GLP2R: variants seen among roughly 807,000 people sequenced by gnomAD.
The protein encoded by GLP2R is glucagon like peptide 2 receptor.
A neutral mutation model predicts 68.2 loss-of-function variants in GLP2R; 59 were observed. That is an observed-to-expected ratio of 0.87 (90% CI 0.70 to 1.07). The LOEUF is 1.07. Ranked by LOEUF, GLP2R falls within the 50% of genes least tolerant of loss-of-function variation. The pLI is 0.00. For missense variants in GLP2R, 548 were observed against 677.4 expected (o/e 0.81, Z 2.12); for synonymous variants, 270 against 265.4 (o/e 1.02, Z -0.17).
chr17:9,831,772 G>T (rs1490075370), intron 1 of GLP2R, among the ~76,000 whole-genome samples: 4 of 152,192 alleles, frequency 2.6e-5, no homozygotes, highest in Non-Finnish European at 5.9e-5. Context: ...CAGTGTGGAG[G>T]GTGGATGGTG....
intron 1 of GLP2R, among the ~76,000 whole-genome samples, chr17:9,833,409 T>C (rs1157359954): frequency 6.6e-6 from 1 of 152,234 alleles, no homozygotes; most frequent in Non-Finnish European, 1.5e-5. Flanking sequence ...CAATGCAGGC[T>C]TCTGCAATCC....
intron 3 of GLP2R, among the ~76,000 whole-genome samples, chr17:9,837,683 C>T (rs998127621): frequency 1.3e-5 from 2 of 152,170 alleles, no homozygotes; most frequent in Non-Finnish European, 2.9e-5. Context: ...TATCCCATCC[C>T]TACCAGCCCC....
rs760783061 is a variant in GLP2R at position 9,832,923 on chromosome 17, C to CAGACACTT, written c.190-883_190-876dup. 1.5e-3 allele frequency among the ~76,000 whole-genome samples: 229 copies of CAGACACTT among 152,228 alleles called. 1 individual carries two copies. The Middle Eastern group carries it at 0.031, about 20-fold the overall frequency. On this transcript the variant is annotated intron_variant, in intron 1 of 12. Coordinates refer to ENST00000262441, the MANE Select transcript of GLP2R (RefSeq NM_004246.3). ...TCCTCAGTAGCTTGATGAAGTCTCT[C>CAGACACTT]AGACACTTCTCTTTGTACTGAACCC...
chr17:9,849,797 T>C (rs2066875640), intron 4 of GLP2R, among the ~76,000 whole-genome samples: 1 of 151,980 alleles, frequency 6.6e-6, no homozygotes, highest in Non-Finnish European at 1.5e-5. Context: ...GTATTTTTAG[T>C]AGAGACAGTG....
At chr17:9,887,701 T>C (rs2067255765) in intron 11 of GLP2R, among the ~76,000 whole-genome samples, 1 of 152,208 alleles carries the variant, frequency 6.6e-6, no homozygotes, top group Non-Finnish European at 1.5e-5. Flanking sequence ...CCTAGGCTGA[T>C]ATAGGCGGAG....
chr17:9,888,069 G>T, intron 12 of GLP2R, 96 bp downstream of exon 12: 1 of 871,656 alleles, frequency 1.1e-6, no homozygotes, highest in South Asian at 1.3e-5. Context: ...GATGCTACGG[G>T]AGAATGTGCA....
At chr17:9,839,105 A>G (rs761017151) in intron 3 of GLP2R, among the ~76,000 whole-genome samples, 3 of 152,200 alleles carry the variant, frequency 2.0e-5, no homozygotes, top group Non-Finnish European at 4.4e-5. Flanking sequence ...GAGTCCCAGA[A>G]GGTGTTAAGG....
chr17:9,848,630 T>A (rs28481688), intron 4 of GLP2R, among the ~76,000 whole-genome samples: 4,598 of 152,164 alleles, frequency 0.03, 223 homozygotes, highest in African/African-American at 0.1. Flanking sequence ...ACAAGAGCAT[T>A]GCCTCCTCCC....
intron 11 of GLP2R, among the ~76,000 whole-genome samples, chr17:9,884,471 C>A (rs1381933359): frequency 6.6e-6 from 1 of 152,172 alleles, no homozygotes; most frequent in Non-Finnish European, 1.5e-5. Context: ...TAGTGCCTCT[C>A]AGGTGCCTTG....
At chr17:9,845,748 CGTGTGTGTGTGT>C (rs60266643) in intron 4 of GLP2R, among the ~76,000 whole-genome samples, 9 of 148,350 alleles carry the variant, frequency 6.1e-5, no homozygotes, top group Non-Finnish European at 1.2e-4. Context: ...TGTGTGTGTG[CGTGTGTGTGTGT>C]GTGTGTGTGT....
At chr17:9,850,131 C>A (rs1385347384) in intron 4 of GLP2R, among the ~76,000 whole-genome samples, 2 of 152,044 alleles carry the variant, frequency 1.3e-5, no homozygotes, top group Non-Finnish European at 2.9e-5. Context: ...TCGTTGGGTG[C>A]GTATCACATA....
Position 9,873,941 on chromosome 17 carries a change from C to T in GLP2R, c.1145+3106C>T, listed in dbSNP as rs75451122. Among the ~76,000 whole-genome samples the T allele has an allele frequency of 1.4e-4, 21 of 152,114 alleles. No homozygotes were observed. In the East Asian group the frequency reaches 3.9e-3, roughly 28 times the overall value. ...CTCAATGTTCTCTTTTCCAGAGTCC[C>T]CTCTAGAGTTTTCAGACTTTTCTGA... On this transcript the variant is annotated intron_variant, in intron 10 of 12. Coordinates refer to ENST00000262441, the MANE Select transcript of GLP2R (RefSeq NM_004246.3).
At chr17:9,845,748 CGTGTGTGTGT>C (rs60266643) in intron 4 of GLP2R, among the ~76,000 whole-genome samples, 1 of 148,352 alleles carries the variant, frequency 6.7e-6, no homozygotes, top group Non-Finnish European at 1.5e-5. Flanking sequence ...TGTGTGTGTG[CGTGTGTGTGT>C]GTGTGTGTGT....
intron 4 of GLP2R, among the ~76,000 whole-genome samples, chr17:9,852,276 G>T (rs924041799): frequency 1.3e-5 from 2 of 151,994 alleles, no homozygotes; most frequent in African/African-American, 4.8e-5. Context: ...CTGTGTCCAT[G>T]TGTTCTCATT....
chr17:9,869,743 GAGAA>G (rs1046651819), intron 9 of GLP2R, among the ~76,000 whole-genome samples: 3 of 152,248 alleles, frequency 2.0e-5, no homozygotes, highest in East Asian at 1.9e-4. Context: ...GAGAGAGAGA[GAGAA>G]AGAGAGAGCT....
At chr17:9,852,905 A>G (rs1190404711) in intron 4 of GLP2R, 1 of 471,150 alleles carries the variant, frequency 2.1e-6, no homozygotes, top group Non-Finnish European at 4.0e-6. Context: ...TACTTTCCAG[A>G]TATACTTAAG....
intron 7 of GLP2R, among the ~76,000 whole-genome samples, chr17:9,860,568 C>G (rs879808279): frequency 1.3e-5 from 2 of 152,072 alleles, no homozygotes; most frequent in Non-Finnish European, 2.9e-5. Flanking sequence ...CAAGCTCTCT[C>G]GTCTCTTTTT....
chr17:9,843,279 C>CT (rs1170599073), intron 4 of GLP2R, among the ~76,000 whole-genome samples: 2 of 152,240 alleles, frequency 1.3e-5, no homozygotes, highest in Admixed American at 1.3e-4. Flanking sequence ...TTCCACAGCT[C>CT]TGTGGCATGC....
chr17:9,857,511 G>A lies in GLP2R; in HGVS notation c.700G>A (p.Val234Ile), dbSNP rs61730822. The A allele has an allele frequency of 5.3e-3, 8,551 of 1,614,036 alleles. 66 individuals carry two copies. Among genetic ancestry groups the A allele is most frequent in the South Asian group, 0.02 (1,863 of 91,074 alleles). Reference protein sequence around the residue: ...RTLAVLVKDVVFYNSYSKRPD... With the variant: ...RTLAVLVKDVIFYNSYSKRPD... ...CCTGGCTGTACTGGTGAAGGACGTC[G>A]TCTTCTACAACTCTTACTCCAAGAG... Residue 234 changes from valine (V) to isoleucine (I), a missense_variant, in exon 6 of 13, where the codon GTC becomes ATC. Val to Ile is a conservative substitution (Grantham distance 29, BLOSUM62 3). Transcript: ENST00000262441.
Sources: allele counts gnomAD v4.1 joint callset (sites outside exome capture counted in the v4.1 genomes callset), GRCh38; gene constraint gnomAD v4.1.1; transcripts MANE v1.5; gene names NCBI Gene and HGNC (gene_info 2026-07-23, HGNC 2026-07-21).